The following ZBTB34 variants were observed in gnomAD, a reference collection of about 807,000 sequenced individuals.
ZBTB34 encodes zinc finger and BTB domain containing 34.
ZBTB34 carries 1 observed loss-of-function variant against 33.4 expected under a neutral mutation model. The observed-to-expected ratio is 0.03, with a 90% CI of 0.01 to 0.14. The LOEUF (loss-of-function observed/expected upper bound fraction) is 0.14, where lower values mean the gene tolerates loss of function less well. ZBTB34 is among the 10% of genes least tolerant of loss of function. The probability of loss-of-function intolerance (pLI) is 1.00; values close to 1 mark genes in which losing one functional copy is unlikely to be tolerated. For missense variants in ZBTB34, 406 were observed against 657.2 expected (o/e 0.62, Z 4.18); for synonymous variants, 283 against 253.5 (o/e 1.12, Z -1.11).
chr9:126,863,750 C>T, intron 1 of ZBTB34: 1 of 983,830 alleles, frequency 1.0e-6, no homozygotes, highest in South Asian at 4.7e-5. Context: ...AGAGGCAGGA[C>T]TTAATGTATT....
Position 126,880,308 on chromosome 9 carries a change from T to C in ZBTB34, c.909T>C (p.Phe303=). The change falls in exon 2 of 2, where the codon TTT becomes TTC. Residue 303 remains phenylalanine (F), a synonymous_variant. Coordinates refer to ENST00000319119, the Ensembl canonical transcript of ZBTB34. The surrounding 1 kb of genome is among the most constrained non-coding windows in gnomAD (Gnocchi z 6.7). ...AGCCAACCAATGTATCAGAAGCTTT[T>C]GGAAGTTTGAGTAATTCCAGCCCAT... 1 of 1,614,026 alleles carries C rather than the reference T, an allele frequency of 6.2e-7. No homozygotes were observed. The highest frequency in any genetic ancestry group is 8.5e-7 in the Non-Finnish European group (1 of 1,179,904).
At chr9:126,867,765 G>GTTTTTTTTTTTTTT (rs767842030) in intron 1 of ZBTB34, among the ~76,000 whole-genome samples, 1 of 131,218 alleles carries the variant, frequency 7.6e-6, no homozygotes, top group Non-Finnish European at 1.7e-5. Flanking sequence ...TCATTTTTTT[G>GTTTTTTTTTTTTTT]TTTTTTTTTT....
intron 1 of ZBTB34, among the ~76,000 whole-genome samples, chr9:126,867,982 G>A (rs2119211005): frequency 6.6e-6 from 1 of 152,210 alleles, no homozygotes; most frequent in East Asian, 1.9e-4. Flanking sequence ...GGCAGTTATT[G>A]CCTTTTTGCC....
exon 2 of ZBTB34, chr9:126,881,001 A>G (rs2033432614): frequency 1.4e-6 from 2 of 1,396,104 alleles, no homozygotes; most frequent in Non-Finnish European, 9.6e-7. Context: ...TTTCCCAACC[A>G]TCTGGAAATC....
intron 1 of ZBTB34, among the ~76,000 whole-genome samples, chr9:126,874,191 G>A (rs934780384): frequency 7.0e-4 from 105 of 150,434 alleles, no homozygotes; most frequent in African/African-American, 2.4e-3. Context: ...ACAGGCGCCC[G>A]CCACCATGCC....
intron 1 of ZBTB34, among the ~76,000 whole-genome samples, chr9:126,876,872 G>A (rs2033370166): frequency 6.6e-6 from 1 of 152,136 alleles, no homozygotes; most frequent in African/African-American, 2.4e-5. Flanking sequence ...CGACTAAAAT[G>A]TTTTAACTCA....
intron 1 of ZBTB34, among the ~76,000 whole-genome samples, chr9:126,878,341 A>G (rs912777518): frequency 1.1e-4 from 17 of 151,826 alleles, no homozygotes; most frequent in African/African-American, 3.4e-4. Flanking sequence ...ATGGTAGCGC[A>G]TGCCTGTAAT....
At chr9:126,875,739 C>T (rs1030337205) in intron 1 of ZBTB34, among the ~76,000 whole-genome samples, 1 of 152,128 alleles carries the variant, frequency 6.6e-6, no homozygotes, top group African/African-American at 2.4e-5. Context: ...CATATTATAT[C>T]TGCATGTAAT....
chr9:126,874,302 G>A (rs772641838), intron 1 of ZBTB34, among the ~76,000 whole-genome samples: 9 of 148,622 alleles, frequency 6.1e-5, no homozygotes, highest in Non-Finnish European at 1.3e-4. Flanking sequence ...TGCCCGCCCC[G>A]GCCTCCCAAA....
rs1360626960 is a variant in ZBTB34 at position 126,880,673 on chromosome 9, G to T, written c.1274G>T (p.Gly425Val). 2 of 1,613,810 alleles carry T rather than the reference G, an allele frequency of 1.2e-6. No individual in the cohort carries two copies. Among genetic ancestry groups the T allele is most frequent in the Non-Finnish European group, 8.5e-7 (1 of 1,179,898 alleles). Residue 425 changes from glycine to valine, a missense_variant, in exon 2 of 2, where the codon GGC becomes GTC. By Grantham distance (109) the Gly-to-Val change is moderately radical. Around this residue, in one of 6 missense-constraint regions of ZBTB34, gnomAD observed 36 missense variants for 109.4 expected, o/e 0.33. Coordinates refer to ENST00000319119, the Ensembl canonical transcript of ZBTB34. The surrounding 1 kb of genome is among the most constrained non-coding windows in gnomAD (Gnocchi z 6.7). ...GACCAACTGGAGTACCACATCCGGG[G>T]CCATACAGATGATAAACCATTCCGC...
intron 1 of ZBTB34, among the ~76,000 whole-genome samples, chr9:126,876,357 T>C (rs2033363870): frequency 6.7e-6 from 1 of 149,534 alleles, no homozygotes; most frequent in African/African-American, 2.5e-5. Context: ...TTCTAGCCTA[T>C]TATTTTTGCC....
Position 126,880,845 on chromosome 9 carries a change from C to A in ZBTB34, c.1446C>A (p.Asp482Glu), listed in dbSNP as rs558116530. 1 of 1,613,532 alleles carries A rather than the reference C, an allele frequency of 6.2e-7. No individual in the cohort carries two copies. Among genetic ancestry groups the A allele is most frequent in the Non-Finnish European group, 8.5e-7 (1 of 1,179,870 alleles). The change falls in exon 2 of 2, where the codon GAC becomes GAA. Residue 482 changes from aspartate (D) to glutamate (E), a missense_variant. By Grantham distance (45) the Asp-to-Glu change is conservative. Around this residue, in one of 6 missense-constraint regions of ZBTB34, gnomAD observed 58 missense variants for 58.7 expected, o/e 0.99. Coordinates refer to ENST00000319119, the Ensembl canonical transcript of ZBTB34. The surrounding 1 kb of genome is among the most constrained non-coding windows in gnomAD (Gnocchi z 6.7). ...ACGTGGAACAGAAACTAGAAAATGA[C>A]GCATCGGCCTCAGAGATGGGCCTAG... is the stretch of plus-strand genomic sequence containing the variant.
intron 1 of ZBTB34, among the ~76,000 whole-genome samples, chr9:126,869,816 T>C (rs1340142550): frequency 6.6e-6 from 1 of 152,166 alleles, no homozygotes; most frequent in Non-Finnish European, 1.5e-5. Context: ...AAGATTGTCT[T>C]TCCATTGATT....
At position 126,871,182 on chromosome 9, in the gene ZBTB34, GGTGT is replaced by G. The variant is rs1051590372; in HGVS notation, c.-10-8178_-10-8175del. 1.2e-3 allele frequency among the ~76,000 whole-genome samples: 149 copies of G among 122,450 alleles called. No individual in the cohort carries two copies. In the Middle Eastern group the frequency reaches 0.013, roughly 11 times the overall value. The allele number at this position is 122,450 out of a possible 152,430, so 80.3% of individuals were successfully genotyped here. A position where few individuals can be genotyped will look rare whatever the true frequency, so the allele number is the denominator to read the frequency against. On this transcript the variant is annotated intron_variant, in intron 1 of 1. Coordinates refer to ENST00000319119, the Ensembl canonical transcript of ZBTB34. ...AGAAAGCCAAGATGTAAGTGAGGGG[GGTGT>G]GTGTGTGTGTGTGTGTGTGTGTGTG...
At chr9:126,871,073 T>TA (rs1407679634) in intron 1 of ZBTB34, among the ~76,000 whole-genome samples, 1 of 152,120 alleles carries the variant, frequency 6.6e-6, no homozygotes, top group Non-Finnish European at 1.5e-5. Context: ...TGCTACCTCT[T>TA]AGAGGGTAAT....
chr9:126,880,707 C>T lies in ZBTB34; in HGVS notation c.1308C>T (p.Ile436=), dbSNP rs749964414. 1.9e-6 allele frequency: 3 copies of T among 1,613,822 alleles called. No homozygotes were observed. Among genetic ancestry groups the T allele is most frequent in the East Asian group, 2.2e-5 (1 of 44,874 alleles). The change falls in exon 2 of 2, where the codon ATC becomes ATT. Residue 436 remains isoleucine, a synonymous_variant. Transcript: ENST00000319119. The surrounding 1 kb of genome is among the most constrained non-coding windows in gnomAD (Gnocchi z 6.7). ...ATGATAAACCATTCCGCTGTGAGAT[C>T]TGCGGGAAGTGCTTTCCATTCCAAG...
At chr9:126,876,159 CGTCCTT>C (rs1564224286) in intron 1 of ZBTB34, among the ~76,000 whole-genome samples, 1 of 64,168 alleles carries the variant, frequency 1.6e-5, no homozygotes, top group Non-Finnish European at 2.9e-5. Flanking sequence ...TTTTCCCTTC[CGTCCTT>C]CCCCCCTTCC....
In ZBTB34 at chr9:126,880,981, A is replaced by G. The variant is rs942999580; in HGVS notation, c.*67A>G. On this transcript the variant is annotated 3_prime_UTR_variant, in exon 2 of 2. Transcript: ENST00000319119. This position sits in a 1 kb window ranked among gnomAD's most constrained non-coding sequence, Gnocchi z 6.7. The stretch of plus-strand genomic sequence containing the variant: ...GCATATTTGTGATTTGCTTTGTTGT[A>G]ATCTTTGGTTTTCCCAACCATCTGG... 2 of 1,482,362 alleles carry G rather than the reference A, an allele frequency of 1.3e-6. No individual in the cohort carries two copies. The highest frequency in any genetic ancestry group is 2.4e-5 in the Admixed American group (1 of 41,300). The allele number at this position is 1,482,362 out of a possible 1,614,324, so 91.8% of individuals were successfully genotyped here.
At chr9:126,876,166 C>CCCCCTTCCCCCCTT in intron 1 of ZBTB34, among the ~76,000 whole-genome samples, 1 of 314 alleles carries the variant, frequency 3.2e-3, no homozygotes. Context: ...TTCCGTCCTT[C>CCCCCTTCCCCCCTT]CCCCCTTCCC....
Sources: allele counts gnomAD v4.1 joint callset (sites outside exome capture counted in the v4.1 genomes callset), GRCh38; gene constraint gnomAD v4.1.1; regional missense constraint gnomAD v4.1.1; non-coding constraint Gnocchi (gnomAD v3.1); transcripts MANE v1.5; gene names NCBI Gene and HGNC (gene_info 2026-07-23, HGNC 2026-07-21).